ST8SIA1: variants seen among roughly 807,000 people sequenced by gnomAD.
ST8SIA1 encodes the protein ST8 alpha-N-acetyl-neuraminide alpha-2,8-sialyltransferase 1.
In ST8SIA1, 16 loss-of-function variants were observed where a neutral mutation model predicts 35.9. That is an observed-to-expected ratio of 0.45 (90% confidence interval 0.30 to 0.68). The LOEUF (loss-of-function observed/expected upper bound fraction) is 0.68, where lower values mean the gene tolerates loss of function less well. Ranked by LOEUF, ST8SIA1 falls within the 30% of genes least tolerant of loss-of-function variation. The pLI is 0.09. For missense variants in ST8SIA1, 383 were observed against 453.6 expected (o/e 0.84, Z 1.41); for synonymous variants, 170 against 169.6 (o/e 1.00, Z -0.02).
chr12:22,314,158 A>G (rs1227855611), intron 1 of ST8SIA1, among the ~76,000 whole-genome samples: 1 of 152,172 alleles, frequency 6.6e-6, no homozygotes. Flanking sequence ...AAAATGGGAC[A>G]GGACAGAGAA....
chr12:22,326,155 A>G lies in ST8SIA1; in HGVS notation c.236+7842T>C, dbSNP rs1866676971. 25 of 387,158 alleles carry G rather than the reference A, an allele frequency of 6.5e-5. No individual in the cohort carries two copies. In the East Asian group the frequency reaches 1.1e-3, roughly 17 times the overall value. The allele number at this position is 387,158 out of a possible 1,614,324, so 24.0% of individuals were successfully genotyped here. On this transcript the variant is annotated intron_variant, in intron 1 of 4. Transcript: ENST00000396037. ...TGTTAATTAGATTATAAAATTTGTT[A>G]ATTAGATTAACAAATCAGGGACCAC...
chr12:22,256,188 C>G (rs540473353), intron 2 of ST8SIA1, among the ~76,000 whole-genome samples: 225 of 152,308 alleles, frequency 1.5e-3, no homozygotes, highest in Non-Finnish European at 2.9e-3. Flanking sequence ...CTGGGTGGGT[C>G]TGTCTAGAGC....
intron 2 of ST8SIA1, among the ~76,000 whole-genome samples, chr12:22,286,881 C>A (rs541773309): frequency 6.8e-4 from 103 of 152,326 alleles, no homozygotes; most frequent in African/African-American, 2.5e-3. Context: ...AGTCCCTGAT[C>A]ATTCATTTCT....
chr12:22,325,187 A>G, intron 1 of ST8SIA1: 1 of 407,838 alleles, frequency 2.5e-6, no homozygotes, highest in South Asian at 6.6e-5. Flanking sequence ...TGTTTAAATG[A>G]ACATGGGGGA....
intron 2 of ST8SIA1, among the ~76,000 whole-genome samples, chr12:22,259,504 C>T (rs192382099): frequency 2.0e-5 from 3 of 151,726 alleles, no homozygotes; most frequent in East Asian, 3.9e-4. Context: ...GTCTCCCTCT[C>T]GCCCAGGCCA....
At chr12:22,297,272 C>A (rs937330374) in intron 1 of ST8SIA1, among the ~76,000 whole-genome samples, 3 of 151,324 alleles carry the variant, frequency 2.0e-5, no homozygotes, top group East Asian at 3.9e-4. Flanking sequence ...ACTGAACCAG[C>A]AAACATTAAG....
intron 1 of ST8SIA1, among the ~76,000 whole-genome samples, chr12:22,318,247 G>A (rs578138373): frequency 3.9e-5 from 6 of 152,248 alleles, no homozygotes; most frequent in Admixed American, 2.0e-4. Flanking sequence ...GACTGTAGCC[G>A]AAAGGAAAGT....
chr12:22,326,148 A>C (rs958298669), intron 1 of ST8SIA1: 3 of 401,008 alleles, frequency 7.5e-6, no homozygotes, highest in African/African-American at 2.1e-5. Context: ...AGATTATAAA[A>C]TTTGTTAATT....
At chr12:22,227,080 G>T (rs993039525) in intron 4 of ST8SIA1, among the ~76,000 whole-genome samples, 2 of 151,758 alleles carry the variant, frequency 1.3e-5, no homozygotes, top group Admixed American at 1.3e-4. Flanking sequence ...CAAGTAGCTG[G>T]GATTACAGGC....
At chr12:22,288,011 T>G (rs1169072315) in intron 1 of ST8SIA1, among the ~76,000 whole-genome samples, 1 of 152,162 alleles carries the variant, frequency 6.6e-6, no homozygotes, top group East Asian at 1.9e-4. Context: ...CCTCAGTGTC[T>G]GAAGCACCAG....
intron 1 of ST8SIA1, among the ~76,000 whole-genome samples, chr12:22,313,605 G>A (rs549048148): frequency 3.9e-5 from 6 of 152,064 alleles, no homozygotes; most frequent in South Asian, 2.1e-4. Flanking sequence ...GGATACCCTC[G>A]ATGTTCAACA....
At chr12:22,281,183 T>C (rs1866030497) in intron 2 of ST8SIA1, among the ~76,000 whole-genome samples, 2 of 152,234 alleles carry the variant, frequency 1.3e-5, no homozygotes, top group South Asian at 4.1e-4. Flanking sequence ...CATATGTTTT[T>C]ATGGTGCATT....
At chr12:22,327,718 C>T (rs529630113) in intron 1 of ST8SIA1, among the ~76,000 whole-genome samples, 43 of 152,190 alleles carry the variant, frequency 2.8e-4, no homozygotes, top group African/African-American at 9.9e-4. Context: ...TCAACAGAGA[C>T]GGTTGCTTAT....
intron 1 of ST8SIA1, among the ~76,000 whole-genome samples, chr12:22,303,846 C>CCACACACACACACACACA (rs61596419): frequency 4.3e-5 from 6 of 140,706 alleles, no homozygotes; most frequent in African/African-American, 5.3e-5. Flanking sequence ...CACCACCCTG[C>CCACACACACACACACACA]CACACACACA....
In ST8SIA1 at chr12:22,334,028, TCCA is replaced by T. The variant is rs751946862; in HGVS notation, c.202_204del (p.Trp68del). 1.2e-6 allele frequency: 2 copies of T among 1,613,558 alleles called. No individual in the cohort carries two copies. Among genetic ancestry groups the T allele is most frequent in the African/African-American group, 1.3e-5 (1 of 74,774 alleles). On this transcript the variant is annotated inframe_deletion, in exon 1 of 5. Transcript: ENST00000396037. ...GCTCTGGCCGCGGTCTGGTTCCTCCTCCACGCCGTGCCCTGTTGCAGCACCCCC... is the reference window on the plus strand; with the variant it reads ...GCTCTGGCCGCGGTCTGGTTCCTCCTCGCCGTGCCCTGTTGCAGCACCCCC...
chr12:22,256,124 C>T (rs368896229), intron 2 of ST8SIA1, among the ~76,000 whole-genome samples: 47 of 152,272 alleles, frequency 3.1e-4, no homozygotes, highest in African/African-American at 9.4e-4. Flanking sequence ...GCGTAAACAA[C>T]GACACAGAAG....
At chr12:22,272,480 G>A (rs192423939) in intron 2 of ST8SIA1, among the ~76,000 whole-genome samples, 2 of 152,192 alleles carry the variant, frequency 1.3e-5, no homozygotes, top group Admixed American at 6.5e-5. Context: ...TCTGGCAAGA[G>A]GTTGTTTGGG....
intron 4 of ST8SIA1, 122 bp from the exon 5 acceptor site, chr12:22,202,160 C>T: frequency 1.2e-6 from 1 of 838,694 alleles, no homozygotes; most frequent in Non-Finnish European, 1.8e-6. Flanking sequence ...ACATGAAAAA[C>T]ACTTTATTTG....
In ST8SIA1 at chr12:22,200,447, T is replaced by C. The variant is rs1865037186; in HGVS notation, c.*1105A>G. The stretch of plus-strand genomic sequence containing the variant: ...ACATGTATGCATACATGTTAAGCCT[T>C]TTACATTTTTAATGGTATACTAGTA... On this transcript the variant is annotated 3_prime_UTR_variant, in exon 5 of 5. Transcript: ENST00000396037. 1 of 152,218 alleles carries C rather than the reference T, an allele frequency of 6.6e-6. No individual in the cohort carries two copies. The highest frequency in any genetic ancestry group is 1.5e-5 in the Non-Finnish European group (1 of 68,040). The allele number at this position is 152,218 out of a possible 1,614,324, so 9.4% of individuals were successfully genotyped here.
Sources: gnomAD v4.1 joint callset for allele counts (sites outside exome capture counted in the v4.1 genomes callset) on GRCh38, gnomAD v4.1.1 for gene constraint, MANE v1.5 for transcripts, NCBI Gene and HGNC (gene_info 2026-07-23, HGNC 2026-07-21) for gene names.